SHANK2: variants seen among roughly 807,000 people sequenced by gnomAD.
The protein encoded by SHANK2 is SH3 and multiple ankyrin repeat domains 2, also known as SH3 and multiple ankyrin repeat domains protein 2.
A neutral mutation model predicts 133.7 loss-of-function variants in SHANK2; 43 were observed. The ratio of observed to expected loss-of-function variants is 0.32; its 90% confidence interval spans 0.25 to 0.41. SHANK2 has a LOEUF of 0.41. Ranked by LOEUF, SHANK2 falls within the 10% of genes least tolerant of loss-of-function variation. SHANK2 has a pLI of 1.00. For synonymous variants in SHANK2, 1,017 were observed against 952.8 expected, an observed-to-expected ratio of 1.07 and a Z score of -1.24; for missense variants, 1,994 against 2,235.8, an observed-to-expected ratio of 0.89 and a Z score of 2.18.
intron 17 of SHANK2, among the ~76,000 whole-genome samples, chr11:70,552,263 G>T (rs1457151698): frequency 2.0e-5 from 3 of 152,140 alleles, no homozygotes; most frequent in Non-Finnish European, 4.4e-5. Context: ...AGACAGAGTG[G>T]GCCTCTCCTG....
intron 14 of SHANK2, among the ~76,000 whole-genome samples, chr11:70,798,169 T>C (rs1947959791): frequency 6.6e-6 from 1 of 152,188 alleles, no homozygotes; most frequent in South Asian, 2.1e-4. Context: ...CTCTCTCTGA[T>C]GGCTAGAACA....
intron 14 of SHANK2, among the ~76,000 whole-genome samples, chr11:70,718,354 G>A (rs921788668): frequency 4.6e-5 from 7 of 152,258 alleles, no homozygotes; most frequent in Admixed American, 3.3e-4. Context: ...CTGAGCCTAC[G>A]CTGGAGGGAA....
At chr11:70,523,759 T>C (rs1488572861) in intron 17 of SHANK2, among the ~76,000 whole-genome samples, 1 of 152,140 alleles carries the variant, frequency 6.6e-6, no homozygotes, top group Non-Finnish European at 1.5e-5. Context: ...CTCAGTCCAC[T>C]ATCTTGTTCT....
At chr11:70,502,730 T>TGGGGGGGG in intron 18 of SHANK2, 66 bp downstream of exon 18, 13 of 772,444 alleles carry the variant, frequency 1.7e-5, no homozygotes, top group East Asian at 1.1e-4. Flanking sequence ...CCAGCTGTCC[T>TGGGGGGGG]GCCCGCCCCC....
chr11:70,871,259 T>C (rs1949456168), intron 11 of SHANK2, among the ~76,000 whole-genome samples: 1 of 152,116 alleles, frequency 6.6e-6, no homozygotes, highest in African/African-American at 2.4e-5. Context: ...GAGTCAGGGG[T>C]CTGGGCTCGC....
At chr11:70,789,199 T>G (rs186774647) in intron 14 of SHANK2, among the ~76,000 whole-genome samples, 1 of 152,236 alleles carries the variant, frequency 6.6e-6, no homozygotes, top group Admixed American at 6.5e-5. Context: ...TGTTTCCTTA[T>G]GAATAAGCGG....
At chr11:71,170,211 T>C (rs1953284712) in intron 2 of SHANK2, among the ~76,000 whole-genome samples, 1 of 152,204 alleles carries the variant, frequency 6.6e-6, no homozygotes, top group Admixed American at 6.5e-5. Flanking sequence ...GACATCCAAA[T>C]TTTGTATACA....
chr11:70,876,429 G>A (rs1484157077), intron 11 of SHANK2, among the ~76,000 whole-genome samples: 2 of 151,220 alleles, frequency 1.3e-5, no homozygotes, highest in South Asian at 2.1e-4. Flanking sequence ...GCGTGGTATC[G>A]GGCACCTATA....
chr11:71,247,568 G>GC (rs1328297649), intron 1 of SHANK2, among the ~76,000 whole-genome samples: 1 of 151,630 alleles, frequency 6.6e-6, no homozygotes, highest in East Asian at 1.9e-4. Context: ...TGGCAGAGCT[G>GC]CAGTGCTTAT....
chr11:70,735,502 G>C (rs1322100338), intron 14 of SHANK2, among the ~76,000 whole-genome samples: 9 of 152,100 alleles, frequency 5.9e-5, no homozygotes, highest in Non-Finnish European at 4.4e-5. Context: ...TCAGGAGTTC[G>C]AGGCCAGCCT....
intron 2 of SHANK2, among the ~76,000 whole-genome samples, chr11:71,176,327 T>A (rs985973094): frequency 2.0e-5 from 3 of 152,248 alleles, no homozygotes; most frequent in Admixed American, 1.3e-4. Context: ...TATTTTATAA[T>A]GTTTAGCAAT....
chr11:70,756,298 G>A (rs1403794985), intron 14 of SHANK2, among the ~76,000 whole-genome samples: 2 of 152,152 alleles, frequency 1.3e-5, no homozygotes, highest in African/African-American at 2.4e-5. Context: ...TCAAATGCTG[G>A]CCTGGGTTCT....
At chr11:70,600,262 C>A (rs1339477853) in intron 17 of SHANK2, among the ~76,000 whole-genome samples, 3 of 151,134 alleles carry the variant, frequency 2.0e-5, no homozygotes, top group Non-Finnish European at 4.4e-5. Context: ...CTACTAAGAA[C>A]ACAAAAATTA....
chr11:70,612,597 C>T (rs782547650), intron 17 of SHANK2, among the ~76,000 whole-genome samples: 1 of 152,290 alleles, frequency 6.6e-6, no homozygotes, highest in Admixed American at 6.5e-5. Context: ...CGAAACTCCA[C>T]GAAGAAAAAT....
At chr11:71,107,937 G>A (rs897093782) in intron 6 of SHANK2, among the ~76,000 whole-genome samples, 5 of 152,198 alleles carry the variant, frequency 3.3e-5, no homozygotes, top group Non-Finnish European at 5.9e-5. Flanking sequence ...CTGCTGGCCA[G>A]GCCAAGGCGA....
intron 14 of SHANK2, among the ~76,000 whole-genome samples, chr11:70,782,822 C>A (rs1030170226): frequency 1.3e-5 from 2 of 152,204 alleles, no homozygotes; most frequent in African/African-American, 4.8e-5. Context: ...CAATCACAAC[C>A]ATATCATCAT....
chr11:70,516,698 A>G (rs543158490), intron 17 of SHANK2, among the ~76,000 whole-genome samples: 1 of 152,356 alleles, frequency 6.6e-6, no homozygotes, highest in Non-Finnish European at 1.5e-5. Context: ...CAAAACAAAC[A>G]CTTATCAGAT....
At chr11:70,622,827 G>A (rs1038572858) in intron 17 of SHANK2, among the ~76,000 whole-genome samples, 3 of 152,106 alleles carry the variant, frequency 2.0e-5, no homozygotes, top group African/African-American at 2.4e-5. Flanking sequence ...CAACACACAC[G>A]CGCAAGCACC....
chr11:70,932,897 T>C (rs1466566144), intron 10 of SHANK2, among the ~76,000 whole-genome samples: 4 of 152,164 alleles, frequency 2.6e-5, no homozygotes, highest in Admixed American at 2.6e-4. Context: ...AGACTGGAAC[T>C]CTTGCACACT....
Sources: allele counts gnomAD v4.1 joint callset (sites outside exome capture counted in the v4.1 genomes callset), GRCh38; gene constraint gnomAD v4.1.1; transcripts MANE v1.5; gene names NCBI Gene and HGNC (gene_info 2026-07-23, HGNC 2026-07-21).